Variants in ADGRL2 observed in about 807,000 individuals in gnomAD.
The protein encoded by ADGRL2 is calcium-independent alpha-latrotoxin receptor 2.
A neutral mutation model predicts 157.4 loss-of-function variants in ADGRL2; 44 were observed. That is an observed-to-expected ratio of 0.28 (90% CI 0.22 to 0.36). The LOEUF is 0.36. Ranked by LOEUF, ADGRL2 falls within the 10% of genes least tolerant of loss-of-function variation. The probability of loss-of-function intolerance (pLI) is 1.00; values close to 1 mark genes in which losing one functional copy is unlikely to be tolerated. For synonymous variants in ADGRL2, 585 were observed against 624.7 expected, an observed-to-expected ratio of 0.94 and a Z score of 0.95; for missense variants, 1,510 against 1,768.9, an observed-to-expected ratio of 0.85 and a Z score of 2.63.
intron 1 of ADGRL2, among the ~76,000 whole-genome samples, chr1:81,440,261 G>A (rs1267672466): frequency 6.6e-6 from 1 of 152,182 alleles, no homozygotes; most frequent in Non-Finnish European, 1.5e-5. Context: ...GCTTGAAGGT[G>A]GGGTTTCACC....
intron 1 of ADGRL2, among the ~76,000 whole-genome samples, chr1:81,806,517 CTT>C (rs1290438209): frequency 1.3e-5 from 2 of 151,906 alleles, no homozygotes; most frequent in African/African-American, 4.8e-5. Flanking sequence ...GTTTTAGTAT[CTT>C]AATATAAGAA....
chr1:81,861,123 C>T (rs906568201), intron 2 of ADGRL2, among the ~76,000 whole-genome samples: 2 of 150,262 alleles, frequency 1.3e-5, no homozygotes, highest in African/African-American at 2.4e-5. Context: ...TGGGTTCAAG[C>T]GATTCTCCTG....
In ADGRL2 at chr1:81,730,902, T is replaced by C. The variant is rs367745450; in HGVS notation, c.-142-30909T>C. 7.3e-5 allele frequency among the ~76,000 whole-genome samples: 11 copies of C among 151,372 alleles called. 1 individual carries two copies. The Middle Eastern group carries it at 0.014, about 187-fold the overall frequency. ...CAACCTGATTATCTACTTTAGCTAA[T>C]ATACACAGACAAAACCTGTAATTTT... is the stretch of plus-strand genomic sequence containing the variant. On this transcript the variant is annotated intron_variant, in intron 1 of 20. Transcript: ENST00000359929.
intron 1 of ADGRL2, among the ~76,000 whole-genome samples, chr1:81,760,636 T>G (rs1571107055): frequency 6.6e-6 from 1 of 151,904 alleles, no homozygotes; most frequent in African/African-American, 2.4e-5. Flanking sequence ...AAAAGTATAC[T>G]AAAGCCAAAG....
chr1:81,353,211 G>A (rs1663040262), intron 1 of ADGRL2, among the ~76,000 whole-genome samples: 1 of 152,124 alleles, frequency 6.6e-6, no homozygotes, highest in African/African-American at 2.4e-5. Context: ...CCTGAGTGTT[G>A]TAAATGAGAC....
At chr1:81,335,414 C>A (rs372027372) in intron 1 of ADGRL2, among the ~76,000 whole-genome samples, 2 of 152,134 alleles carry the variant, frequency 1.3e-5, no homozygotes, top group Non-Finnish European at 2.9e-5. Context: ...ATGTACTACA[C>A]TATTTTCATT....
At chr1:81,530,665 T>C (rs2079575057) in intron 2 of ADGRL2, among the ~76,000 whole-genome samples, 1 of 152,044 alleles carries the variant, frequency 6.6e-6, no homozygotes, top group African/African-American at 2.4e-5. Context: ...TTCATCATAC[T>C]CAGCTTCATC....
intron 3 of ADGRL2, among the ~76,000 whole-genome samples, chr1:81,689,342 C>T (rs761786920): frequency 4.6e-4 from 70 of 152,140 alleles, no homozygotes; most frequent in African/African-American, 6.3e-4. Flanking sequence ...TTCCTTTATT[C>T]GACATAGATC....
In ADGRL2 at chr1:81,502,410, A is replaced by G. The variant is rs528129531; in HGVS notation, c.-248+57321A>G. 5.0e-4 allele frequency: 813 copies of G among 1,614,022 alleles called. 2 individuals are homozygous for G. Among genetic ancestry groups the G allele is most frequent in the Middle Eastern group, 9.9e-4 (6 of 6,072 alleles). On this transcript the variant is annotated intron_variant, in intron 2 of 24. Transcript: ENST00000370721. ...ATCTCTCGAGATTTTGCCAAGCTGT[A>G]TGAACTGGACGGTGATCCTGAAAGG... is the stretch of plus-strand genomic sequence containing the variant.
chr1:81,599,226 G>C (rs1028167001), intron 3 of ADGRL2, among the ~76,000 whole-genome samples: 1 of 152,068 alleles, frequency 6.6e-6, no homozygotes, highest in African/African-American at 2.4e-5. Flanking sequence ...TCATATTTTT[G>C]GGAAAAGGAT....
intron 1 of ADGRL2, among the ~76,000 whole-genome samples, chr1:81,413,547 G>A (rs1255885202): frequency 6.6e-6 from 1 of 152,084 alleles, no homozygotes; most frequent in African/African-American, 2.4e-5. Flanking sequence ...AATTGCTAGA[G>A]ACATTGCTCC....
chr1:81,572,169 A>G (rs1482924470), intron 2 of ADGRL2, among the ~76,000 whole-genome samples: 1 of 152,248 alleles, frequency 6.6e-6, no homozygotes, highest in African/African-American at 2.4e-5. Flanking sequence ...TGACAAAGCT[A>G]TTAAAGATAA....
At chr1:81,862,499 A>AT (rs772041887) in intron 2 of ADGRL2, among the ~76,000 whole-genome samples, 3 of 152,290 alleles carry the variant, frequency 2.0e-5, no homozygotes, top group Non-Finnish European at 4.4e-5. Flanking sequence ...ATAGATCTTG[A>AT]TTCAAAGCTA....
At chr1:81,680,012 C>T (rs1424616703) in intron 3 of ADGRL2, among the ~76,000 whole-genome samples, 1 of 152,156 alleles carries the variant, frequency 6.6e-6, no homozygotes, top group Non-Finnish European at 1.5e-5. Context: ...TTCTCTGATG[C>T]AGCCCCAAAA....
chr1:81,385,509 A>G (rs2076419528), intron 1 of ADGRL2, among the ~76,000 whole-genome samples: 1 of 152,128 alleles, frequency 6.6e-6, no homozygotes, highest in African/African-American at 2.4e-5. Context: ...ATTAATGGGA[A>G]AGAATAAACC....
intron 2 of ADGRL2, among the ~76,000 whole-genome samples, chr1:81,793,995 G>T (rs1423307787): frequency 2.0e-5 from 3 of 151,948 alleles, no homozygotes; most frequent in Non-Finnish European, 4.4e-5. Flanking sequence ...TTCATAGCCA[G>T]CATTTTTACT....
At chr1:81,989,580 TCTGA>T (rs769866496) in intron 23 of ADGRL2, 26 of 1,205,320 alleles carry the variant, frequency 2.2e-5, no homozygotes, top group Middle Eastern at 2.0e-4. Context: ...GAACCCTTGC[TCTGA>T]CTAAGTTGCT....
At position 81,984,860 on chromosome 1, in the gene ADGRL2, T is replaced by C. The variant is rs1267098569; in HGVS notation, c.3411+149T>C. The C allele has an allele frequency of 1.1e-5, 9 of 834,424 alleles. No homozygotes were observed. The Admixed American group carries it at 2.3e-4, about 21-fold the overall frequency. 51.7% of individuals were successfully genotyped at this position (834,424 alleles called of 1,614,324 possible). A position where few individuals can be genotyped will look rare whatever the true frequency, so the allele number is the denominator to read the frequency against. ...TTTTAGTATTTTGGTTTCAATGTCT[T>C]CTTAAACATTTCTTCAGTGTTTCTT... On this transcript the variant is annotated intron_variant, in intron 20 of 23. Transcript: ENST00000686636.
intron 3 of ADGRL2, among the ~76,000 whole-genome samples, chr1:81,585,596 C>T (rs1329180565): frequency 6.6e-6 from 1 of 152,006 alleles, no homozygotes; most frequent in African/African-American, 2.4e-5. Context: ...TTCTAGAATC[C>T]CTGATCCTTC....
Sources: allele counts gnomAD v4.1 joint callset (sites outside exome capture counted in the v4.1 genomes callset), GRCh38; gene constraint gnomAD v4.1.1; transcripts MANE v1.5; gene names NCBI Gene and HGNC (gene_info 2026-07-23, HGNC 2026-07-21).